CHODL: variants seen among roughly 807,000 people sequenced by gnomAD.
CHODL encodes chondrolectin.
In CHODL, 29 loss-of-function variants were observed where a neutral mutation model predicts 34.5. The observed-to-expected ratio is 0.84, with a 90% CI of 0.63 to 1.15. CHODL has a LOEUF of 1.15. Among genes scored for constraint, CHODL ranks in the 50% most tolerant of loss-of-function variants. The pLI, the probability that CHODL is intolerant of heterozygous loss-of-function variation, is 0.00. For synonymous variants in CHODL, 125 were observed against 116.1 expected, an observed-to-expected ratio of 1.08 and a Z score of -0.49; for missense variants, 332 against 332.5, an observed-to-expected ratio of 1.00 and a Z score of 0.01.
At chr21:18,242,996 C>T (rs561354816), upstream of CHODL, among the ~76,000 whole-genome samples, 1 of 152,192 alleles carries the variant, frequency 6.6e-6, no homozygotes, top group South Asian at 2.1e-4. Context: ...TAGCTCTGGG[C>T]ATGAGTAACT....
intron 1 of CHODL, among the ~76,000 whole-genome samples, chr21:17,994,293 G>T (rs1013614224): frequency 1.3e-5 from 2 of 152,208 alleles, no homozygotes; most frequent in Non-Finnish European, 2.9e-5. Context: ...TGGTGACAGC[G>T]ATGGGCTGGG....
rs1555853375 is a variant in CHODL at position 18,028,277 on chromosome 21, C to CCTCT, written c.-45+307_-45+308insTCTC. 8.8e-3 allele frequency among the ~76,000 whole-genome samples: 873 copies of CCTCT among 98,988 alleles called. 39 individuals are homozygous for CCTCT. The highest frequency in any genetic ancestry group is 0.034 in the African/African-American group (839 of 24,674). 64.9% of individuals were successfully genotyped at this position (98,988 alleles called of 152,430 possible). A position where few individuals can be genotyped will look rare whatever the true frequency, so the allele number is the denominator to read the frequency against. On this transcript the variant is annotated intron_variant, in intron 2 of 6. Transcript: ENST00000400127. ...CCTTTTCTTTTTCTTTTTCCTTTTCCCCTTCCTTCCTTCCTTCCTTCCTTC... is the reference window on the plus strand; with the variant it reads ...CCTTTTCTTTTTCTTTTTCCTTTTCCCTCTCCTTCCTTCCTTCCTTCCTTCCTTC...
At chr21:18,084,624 A>C (rs2064980901) in intron 2 of CHODL, among the ~76,000 whole-genome samples, 2 of 152,152 alleles carry the variant, frequency 1.3e-5, no homozygotes, top group African/African-American at 4.8e-5. Flanking sequence ...CTGTGGTCTG[A>C]GAAGATATTT....
chr21:18,232,941 T>TTTTATATATATATATATATA lies in CHODL; in HGVS notation c.-44-23568_-44-23567insTTTATATATATATATATATA, dbSNP rs752640406. On this transcript the variant is annotated intron_variant, in intron 2 of 6. Coordinates refer to the CHODL transcript ENST00000400127. ...TAATTATGGGGTCCACATGATGTTA[T>TTTTATATATATATATATATA]GATATATATATATATATATATATAT... Among the ~76,000 whole-genome samples the TTTTATATATATATATATATA allele has an allele frequency of 3.2e-3, 313 of 97,538 alleles. 3 individuals are homozygous for TTTTATATATATATATATATA. The highest frequency in any genetic ancestry group is 8.2e-3 in the South Asian group (25 of 3,044). 64.0% of individuals were successfully genotyped at this position (97,538 alleles called of 152,430 possible). A position where few individuals can be genotyped will look rare whatever the true frequency, so the allele number is the denominator to read the frequency against.
chr21:17,999,553 C>G (rs9305834), intron 1 of CHODL, among the ~76,000 whole-genome samples: 69,340 of 152,094 alleles, frequency 0.46, 16,690 homozygotes, highest in South Asian at 0.66. Context: ...CCATGGCTGG[C>G]GATGCCTCAC....
At chr21:18,220,103 T>C (rs61678399) in intron 2 of CHODL, among the ~76,000 whole-genome samples, 6,744 of 152,296 alleles carry the variant, frequency 0.044, 181 homozygotes, top group Non-Finnish European at 0.06. Flanking sequence ...AATTTGATTT[T>C]TGTATATGAT....
intron 1 of CHODL, among the ~76,000 whole-genome samples, chr21:17,972,837 C>T (rs535845677): frequency 6.6e-6 from 1 of 152,268 alleles, no homozygotes; most frequent in East Asian, 1.9e-4. Context: ...ATAGCCAAGA[C>T]AATTGTAAGC....
chr21:18,162,690 A>C (rs1233491411), intron 2 of CHODL, among the ~76,000 whole-genome samples: 1 of 152,208 alleles, frequency 6.6e-6, no homozygotes, highest in African/African-American at 2.4e-5. Context: ...AACTATTTTT[A>C]AACTTCAATT....
intron 2 of CHODL, among the ~76,000 whole-genome samples, chr21:18,075,278 A>G (rs947717791): frequency 6.6e-6 from 1 of 152,190 alleles, no homozygotes; most frequent in African/African-American, 2.4e-5. Context: ...CGCTTTGCCA[A>G]CCTCTGAAAA....
intron 2 of CHODL, among the ~76,000 whole-genome samples, chr21:18,224,577 T>C (rs2073914313): frequency 6.6e-6 from 1 of 152,172 alleles, no homozygotes; most frequent in Non-Finnish European, 1.5e-5. Context: ...CCTGGATCTC[T>C]ATTTAGGGTA....
intron 2 of CHODL, among the ~76,000 whole-genome samples, chr21:18,173,277 T>C (rs1268722848): frequency 6.6e-6 from 1 of 152,168 alleles, no homozygotes; most frequent in African/African-American, 2.4e-5. Flanking sequence ...TCATCACCTT[T>C]GTCATATTCA....
At chr21:18,115,076 T>A (rs752327822) in intron 2 of CHODL, among the ~76,000 whole-genome samples, 47 of 152,340 alleles carry the variant, frequency 3.1e-4, no homozygotes, top group Admixed American at 7.8e-4. Flanking sequence ...TGGCAACATA[T>A]TACTGATGTA....
chr21:18,078,446 G>A (rs1455922020), intron 2 of CHODL, among the ~76,000 whole-genome samples: 2 of 152,104 alleles, frequency 1.3e-5, no homozygotes, highest in African/African-American at 2.4e-5. Flanking sequence ...GGGATTATGG[G>A]AGCTACAATT....
At chr21:18,158,464 C>T (rs1481645613) in intron 2 of CHODL, among the ~76,000 whole-genome samples, 1 of 152,154 alleles carries the variant, frequency 6.6e-6, no homozygotes, top group Non-Finnish European at 1.5e-5. Flanking sequence ...TTAATTAGCA[C>T]CTGCATCTTC....
intron 2 of CHODL, among the ~76,000 whole-genome samples, chr21:18,228,040 C>G (rs1215073128): frequency 1.3e-5 from 2 of 152,094 alleles, no homozygotes; most frequent in Non-Finnish European, 2.9e-5. Context: ...GGATGGGAAC[C>G]AACCTAGCCA....
At chr21:17,996,788 G>A (rs1168354726) in intron 1 of CHODL, among the ~76,000 whole-genome samples, 1 of 152,146 alleles carries the variant, frequency 6.6e-6, no homozygotes, top group Admixed American at 6.5e-5. Context: ...TTAATCAGAG[G>A]CTGGTTGACT....
intron 1 of CHODL, among the ~76,000 whole-genome samples, chr21:17,951,738 G>C (rs1451780538): frequency 6.6e-6 from 1 of 152,062 alleles, no homozygotes; most frequent in African/African-American, 2.4e-5. Context: ...GGACATTGCA[G>C]AAGAAATTAC....
intron 2 of CHODL, among the ~76,000 whole-genome samples, chr21:18,075,734 G>A (rs1021569353): frequency 6.6e-6 from 1 of 152,016 alleles, no homozygotes; most frequent in African/African-American, 2.4e-5. Flanking sequence ...TGATCTCTAT[G>A]TCTGCCTTTG....
At chr21:18,133,245 C>A (rs545226431) in intron 2 of CHODL, among the ~76,000 whole-genome samples, 19 of 152,080 alleles carry the variant, frequency 1.2e-4, no homozygotes, top group Non-Finnish European at 2.6e-4. Context: ...GTAACCACTG[C>A]CAATTGTTCG....
Sources: gnomAD v4.1 joint callset for allele counts (sites outside exome capture counted in the v4.1 genomes callset) on GRCh38, gnomAD v4.1.1 for gene constraint, MANE v1.5 for transcripts, NCBI Gene and HGNC (gene_info 2026-07-23, HGNC 2026-07-21) for gene names.